Variants in KHNYN observed in about 807,000 individuals in gnomAD.
KHNYN encodes the protein KH and NYN domain containing, also known as protein KHNYN.
A neutral mutation model predicts 62.7 loss-of-function variants in KHNYN; 42 were observed. The observed-to-expected ratio is 0.67, with a 90% CI of 0.52 to 0.87. The LOEUF (loss-of-function observed/expected upper bound fraction) is 0.87. Among genes scored for constraint, KHNYN ranks in the 40% least tolerant of loss-of-function variants. The probability of loss-of-function intolerance (pLI) is 0.00; values close to 1 mark genes in which losing one functional copy is unlikely to be tolerated. For missense variants in KHNYN, 829 were observed against 874.1 expected, an observed-to-expected ratio of 0.95 and a Z score of 0.65; for synonymous variants, 347 against 345.6, an observed-to-expected ratio of 1.00 and a Z score of -0.04.
chr14:24,425,789 G>T (rs778669117), upstream of KHNYN, among the ~76,000 whole-genome samples: 12 of 152,234 alleles, frequency 7.9e-5, no homozygotes, highest in Admixed American at 2.6e-4. Context: ...TTGTCTTTTG[G>T]ACATCTGACT....
chr14:24,437,973 G>A lies in KHNYN; in HGVS notation c.*688G>A, dbSNP rs971911469. 2.0e-5 allele frequency: 3 copies of A among 152,570 alleles called. No individual in the cohort carries two copies. Among genetic ancestry groups the A allele is most frequent in the African/African-American group, 7.2e-5 (3 of 41,456 alleles). 9.5% of individuals were successfully genotyped at this position (152,570 alleles called of 1,614,324 possible). A position where few individuals can be genotyped will look rare whatever the true frequency, so the allele number is the denominator to read the frequency against. On this transcript the variant is annotated 3_prime_UTR_variant, in exon 8 of 8. Transcript: ENST00000553935. The surrounding 1 kb of genome is among the most constrained non-coding windows in gnomAD (Gnocchi z 5.5). ...CTTGGACCAAGTCTCAGGTGTGTCTGCCTGTGGCTGCACAGGCTCTCTAAC... is the reference window on the plus strand; with the variant it reads ...CTTGGACCAAGTCTCAGGTGTGTCTACCTGTGGCTGCACAGGCTCTCTAAC...
intron 1 of KHNYN, chr14:24,430,502 T>C: frequency 7.2e-7 from 1 of 1,382,732 alleles, no homozygotes; most frequent in Non-Finnish European, 9.4e-7. Context: ...CCACTCTCGA[T>C]AGACAGCCTT....
rs775635553 is a variant in KHNYN, at chr14:24,431,725, C to T, written c.464C>T (p.Ser155Phe). Reference protein sequence around the residue: ...DFTPGPSSGASQCTGVLRDFS... With the variant: ...DFTPGPSSGAFQCTGVLRDFS... Reference sequence around the variant, plus strand: ...ACGCCAGGACCATCTTCCGGAGCCTCTCAGTGTACTGGAGTGCTGAGAGAC... The same window carrying T: ...ACGCCAGGACCATCTTCCGGAGCCTTTCAGTGTACTGGAGTGCTGAGAGAC... Residue 155 changes from serine (S) to phenylalanine (F), a missense_variant, in exon 3 of 8, where the codon TCT becomes TTT. Ser to Phe is a radical substitution (Grantham distance 155, BLOSUM62 -2). Around this residue, in one of 2 missense-constraint regions of KHNYN, gnomAD observed 559 missense variants for 527.0 expected, o/e 1.06. Coordinates refer to ENST00000553935, the MANE Select transcript of KHNYN (RefSeq NM_015299.3). 6.2e-7 allele frequency: 1 copy of T among 1,614,212 alleles called. No individual in the cohort carries two copies.
rs757755651 is a variant in KHNYN, at chr14:24,431,883, T to C, written c.622T>C (p.Ser208Pro). The C allele has an allele frequency of 6.2e-7, 1 of 1,614,022 alleles. No individual in the cohort carries two copies. The highest frequency in any genetic ancestry group is 8.5e-7 in the Non-Finnish European group (1 of 1,180,008). Residue 208 changes from serine (S) to proline (P), a missense_variant, in exon 3 of 8, where the codon TCT becomes CCT. Transcript: ENST00000553935. Reference protein sequence around the residue: ...SSGQGPGALASWEGRSSALLG... With the variant: ...SSGQGPGALAPWEGRSSALLG... ...TGGGCAGGGGCCAGGAGCACTGGCT[T>C]CTTGGGAGGGGCGGAGCTCAGCCTT...
At chr14:24,434,441 T>C in intron 5 of KHNYN, 1 of 890,608 alleles carries the variant, frequency 1.1e-6, no homozygotes, top group South Asian at 5.2e-5. Flanking sequence ...AGCCTTGCTC[T>C]GTCGCCACGC....
Position 24,437,045 on chromosome 14 carries a change from G to A in KHNYN, c.1797G>A (p.Gly599=). The A allele has an allele frequency of 6.2e-7, 1 of 1,613,782 alleles. No individual in the cohort carries two copies. The change falls in exon 8 of 8, where the codon GGG becomes GGA. Residue 599 remains glycine, a synonymous_variant. Coordinates refer to ENST00000553935, the MANE Select transcript of KHNYN (RefSeq NM_015299.3). This position sits in a 1 kb window ranked among gnomAD's most constrained non-coding sequence, Gnocchi z 5.5. ...EFLKKPARTQ[G]SSKAQHPSRG... Reference sequence around the variant, plus strand: ...GTCTGTTTCTTCCCAGGACACAGGGGTCTTCTAAGGCTCAGCATCCTTCCA... The same window carrying A: ...GTCTGTTTCTTCCCAGGACACAGGGATCTTCTAAGGCTCAGCATCCTTCCA...
intron 5 of KHNYN, chr14:24,434,270 A>C: frequency 2.0e-6 from 2 of 985,484 alleles, no homozygotes; most frequent in Non-Finnish European, 2.4e-6. Context: ...GCCCAGTAAC[A>C]GTGAATAAGC....
rs759371527 is a variant in KHNYN, at chr14:24,431,987, C to G, written c.726C>G (p.Pro242=). Residue 242 remains proline (P), a synonymous_variant, in exon 3 of 8, where the codon CCC becomes CCG. Transcript: ENST00000553935. ...CCCTGGACACTGGATCTATGGGACC[C>G]GGAGATTGCAGGGGAGCAAGGGGAG... ...RESLDTGSMG[P]GDCRGARGDT... 7 of 1,611,750 alleles carry G rather than the reference C, an allele frequency of 4.3e-6. No homozygotes were observed. The African/African-American group carries it at 6.7e-5, about 15-fold the overall frequency.
rs749810566 is a variant in KHNYN at position 24,440,395 on chromosome 14, G to A, written c.*3110G>A. ...CCAGGTCCCCGATGTGTATCCAGGG[G>A]AAGAATTGGTGGCCTGAGCCGATGG... On this transcript the variant is annotated 3_prime_UTR_variant, in exon 8 of 8. Transcript: ENST00000553935. 1.2e-6 allele frequency: 2 copies of A among 1,613,970 alleles called. No homozygotes were observed. Among genetic ancestry groups the A allele is most frequent in the South Asian group, 2.2e-5 (2 of 91,064 alleles).
At chr14:24,434,683 G>A (rs893697886) in intron 5 of KHNYN, among the ~76,000 whole-genome samples, 4 of 152,186 alleles carry the variant, frequency 2.6e-5, no homozygotes, top group Non-Finnish European at 4.4e-5. Flanking sequence ...GATTACAGGC[G>A]TGAGCCACCA....
chr14:24,430,153 G>A (rs142617063), intron 1 of KHNYN, 34 bp downstream of exon 1: 39,631 of 983,078 alleles, frequency 0.04, 1,029 homozygotes, highest in East Asian at 0.15. Context: ...CCGGGAGCGG[G>A]GAGCGGGGGC....
chr14:24,440,510 G>A lies in KHNYN; in HGVS notation c.*3225G>A. 2 of 1,590,308 alleles carry A rather than the reference G, an allele frequency of 1.3e-6. No individual in the cohort carries two copies. Among genetic ancestry groups the A allele is most frequent in the Non-Finnish European group, 1.7e-6 (2 of 1,168,558 alleles). On this transcript the variant is annotated 3_prime_UTR_variant, in exon 8 of 8. Transcript: ENST00000553935. ...CACAACCCCTAGAGCAGGAAAGAGGGAAGGTACAGGGGTCCTCTCAGCCTT... is the reference window on the plus strand; with the variant it reads ...CACAACCCCTAGAGCAGGAAAGAGGAAAGGTACAGGGGTCCTCTCAGCCTT...
rs1217042256 is a variant in KHNYN at position 24,431,805 on chromosome 14, T to A, written c.544T>A (p.Leu182Met). ...GDAHREALLQ[L>M]PLAVQEELLS... ...TGCCCATAGAGAGGCTCTGTTGCAG[T>A]TGCCCCTGGCTGTCCAGGAGGAGCT... Residue 182 changes from leucine (L) to methionine (M), a missense_variant, in exon 3 of 8, where the codon TTG (leucine) becomes ATG (methionine). Leu to Met is a conservative substitution (Grantham distance 15, BLOSUM62 2). Transcript: ENST00000553935. 4 of 1,614,054 alleles carry A rather than the reference T, an allele frequency of 2.5e-6. No homozygotes were observed. The highest frequency in any genetic ancestry group is 3.4e-6 in the Non-Finnish European group (4 of 1,180,022).
At chr14:24,434,287 G>A (rs1313733445) in intron 5 of KHNYN, 7 of 985,276 alleles carry the variant, frequency 7.1e-6, no homozygotes, top group African/African-American at 7.0e-5. Context: ...AAGCACAGTG[G>A]TACACAGCGT....
Position 24,439,753 on chromosome 14 carries a change from A to T in KHNYN, c.*2468A>T. ...AATCCCAGGAGAATCTAGGCCAAAG[A>T]GATGAGCCAAGGTTAGTGAGACAAT... On this transcript the variant is annotated 3_prime_UTR_variant, in exon 8 of 8. Transcript: ENST00000553935. 5.0e-6 allele frequency: 1 copy of T among 199,802 alleles called. No individual in the cohort carries two copies. The allele number at this position is 199,802 out of a possible 1,614,324, so 12.4% of individuals were successfully genotyped here.
chr14:24,440,822 G>T lies in KHNYN; in HGVS notation c.*3537G>T, dbSNP rs1264596356. 4 of 1,614,010 alleles carry T rather than the reference G, an allele frequency of 2.5e-6. No individual in the cohort carries two copies. The highest frequency in any genetic ancestry group is 2.5e-6 in the Non-Finnish European group (3 of 1,179,886). On this transcript the variant is annotated 3_prime_UTR_variant, in exon 8 of 8. Transcript: ENST00000553935. ...ACCTGGCGTGTAGAATCTCCAGGAA[G>T]CCTGGCTGCAGCTTCCCATTTGGTT...
chr14:24,440,077 ACC>A lies in KHNYN; in HGVS notation c.*2793_*2794del. 4 of 1,585,584 alleles carry A rather than the reference ACC, an allele frequency of 2.5e-6. No individual in the cohort carries two copies. Among genetic ancestry groups the A allele is most frequent in the Non-Finnish European group, 3.4e-6 (4 of 1,161,598 alleles). ...GAACAGGCCTCAGGCCCTTGCCACGACCTACTTAGGCTACAATTTCCTTTAAG... is the reference window on the plus strand; with the variant it reads ...GAACAGGCCTCAGGCCCTTGCCACGATACTTAGGCTACAATTTCCTTTAAG... On this transcript the variant is annotated 3_prime_UTR_variant, in exon 8 of 8. Transcript: ENST00000553935.
upstream of KHNYN, chr14:24,426,412 A>C (rs2043020507): frequency 6.6e-6 from 1 of 152,162 alleles, no homozygotes; most frequent in Non-Finnish European, 1.5e-5. Flanking sequence ...AGTTTCTAAG[A>C]ATGGATATCA....
In KHNYN at chr14:24,432,581, T is replaced by G. The variant is rs1279057241; in HGVS notation, c.1320T>G (p.Ile440Met). 1.2e-6 allele frequency: 2 copies of G among 1,608,136 alleles called. No homozygotes were observed. The highest frequency in any genetic ancestry group is 1.7e-6 in the Non-Finnish European group (2 of 1,175,510). The change falls in exon 3 of 8, where the codon ATT becomes ATG. Residue 440 changes from isoleucine (I) to methionine (M), a missense_variant. By Grantham distance (10) the Ile-to-Met change is conservative (BLOSUM62 1). This residue lies in a region of KHNYN where 270 missense variants were observed against 347.1 expected (regional missense o/e 0.78). Transcript: ENST00000553935. This position sits in a 1 kb window ranked among gnomAD's most constrained non-coding sequence, Gnocchi z 5.6. ...CTGGCCAGCCAGACCTCCGCCATAT[T>G]GTCATTGACGGCAGCAACGTGGCCA... ...NVPGQPDLRH[I>M]VIDGSNVAMV...
Sources: gnomAD v4.1 joint callset for allele counts (sites outside exome capture counted in the v4.1 genomes callset) on GRCh38, gnomAD v4.1.1 for gene constraint, gnomAD v4.1.1 regional missense constraint, Gnocchi (gnomAD v3.1) non-coding constraint, MANE v1.5 for transcripts, NCBI Gene and HGNC (gene_info 2026-07-23, HGNC 2026-07-21) for gene names.